ABHD12: variants seen among roughly 807,000 people sequenced by gnomAD.
The protein encoded by ABHD12 is abhydrolase domain containing 12, lysophospholipase.
ABHD12 carries 43 observed loss-of-function variants against 58.3 expected under a neutral mutation model. The ratio of observed to expected loss-of-function variants is 0.74; its 90% CI spans 0.58 to 0.95. The LOEUF is 0.95. ABHD12 is among the 40% of genes least tolerant of loss of function. The probability of loss-of-function intolerance (pLI) is 0.00; values close to 1 mark genes in which losing one functional copy is unlikely to be tolerated. For synonymous variants in ABHD12, 219 were observed against 211.2 expected, an observed-to-expected ratio of 1.04 and a Z score of -0.32; for missense variants, 539 against 537.2, an observed-to-expected ratio of 1.00 and a Z score of -0.03.
intron 1 of ABHD12, among the ~76,000 whole-genome samples, chr20:25,364,812 T>C (rs2089797723): frequency 6.6e-6 from 1 of 152,218 alleles, no homozygotes; most frequent in Non-Finnish European, 1.5e-5. Context: ...AGAGTAACTC[T>C]GGGCAAACAC....
downstream of ABHD12, among the ~76,000 whole-genome samples, chr20:25,298,635 A>G (rs2088588138): frequency 6.6e-6 from 1 of 152,200 alleles, no homozygotes; most frequent in African/African-American, 2.4e-5. Context: ...TAAGAAACAC[A>G]CACACCTTTC....
At chr20:25,366,731 C>A (rs931841087) in intron 1 of ABHD12, among the ~76,000 whole-genome samples, 39 of 152,154 alleles carry the variant, frequency 2.6e-4, no homozygotes, top group African/African-American at 9.2e-4. Flanking sequence ...CAAATGGCTA[C>A]CCAATTGTCC....
intron 1 of ABHD12, chr20:25,368,661 A>G (rs910633796): frequency 2.2e-6 from 3 of 1,364,704 alleles, no homozygotes; most frequent in Non-Finnish European, 2.1e-6. Context: ...TCAGAGCATG[A>G]AAGTTTTCTG....
Position 25,308,605 on chromosome 20 carries a change from G to C in ABHD12, c.750-111C>G, listed in dbSNP as rs559886556. On this transcript the variant is annotated intron_variant, in intron 7 of 12. Transcript: ENST00000339157. The stretch of plus-strand genomic sequence containing the variant: ...AGCCATGGGGTCTGTGAAGCTACTG[G>C]AGTTTCAGGACAGAGTGGGGGAAAT... 1.9e-4 allele frequency: 254 copies of C among 1,323,296 alleles called. 1 individual carries two copies. In the South Asian group the frequency reaches 3.1e-3, roughly 16 times the overall value. 82.0% of individuals were successfully genotyped at this position (1,323,296 alleles called of 1,614,324 possible).
At chr20:25,388,840 G>A (rs536432793) in intron 1 of ABHD12, among the ~76,000 whole-genome samples, 26 of 145,194 alleles carry the variant, frequency 1.8e-4, no homozygotes, top group Non-Finnish European at 3.4e-4. Context: ...CCAGGCTGGA[G>A]TGCACTGGTG....
rs73331824 is a variant in ABHD12, at chr20:25,384,396, C to T, written c.191+6117G>A. Among the ~76,000 whole-genome samples, 978 of 149,306 alleles carry T rather than the reference C, an allele frequency of 6.6e-3. 16 individuals carry two copies. The highest frequency in any genetic ancestry group is 0.023 in the African/African-American group (937 of 40,758). On this transcript the variant is annotated intron_variant, in intron 1 of 12. Coordinates refer to ENST00000339157, the MANE Select transcript of ABHD12 (RefSeq NM_001042472.3). ...TACTTACCAATGTTAAAAAAGTTGG[C>T]AATACTACACACACACACACAAGCA...
chr20:25,380,499 T>A (rs2090010013), intron 1 of ABHD12, among the ~76,000 whole-genome samples: 1 of 152,088 alleles, frequency 6.6e-6, no homozygotes, highest in South Asian at 2.1e-4. Flanking sequence ...TCTTTCCCCC[T>A]TTACTGCACA....
chr20:25,376,036 T>A (rs952034730), intron 1 of ABHD12, among the ~76,000 whole-genome samples: 1 of 151,982 alleles, frequency 6.6e-6, no homozygotes, highest in East Asian at 1.9e-4. Flanking sequence ...GGCAGGAGAA[T>A]GGCATGAGCT....
intron 2 of ABHD12, among the ~76,000 whole-genome samples, chr20:25,336,239 T>C (rs2089366087): frequency 6.6e-6 from 1 of 152,048 alleles, no homozygotes; most frequent in Non-Finnish European, 1.5e-5. Context: ...CAGTAGGAAA[T>C]AAACTACGGT....
chr20:25,303,379 AG>A lies in ABHD12; in HGVS notation c.1029+170del. ...CCCATGTCCTTCCGAAGCAGCCTGG[AG>A]GTGACGCAGGGAGGATGAGGTGGCC... is the stretch of plus-strand genomic sequence containing the variant. On this transcript the variant is annotated intron_variant, in intron 11 of 12. Coordinates refer to ENST00000339157, the MANE Select transcript of ABHD12 (RefSeq NM_001042472.3). The A allele has an allele frequency of 2.6e-6, 4 of 1,512,022 alleles. No individual in the cohort carries two copies. In the South Asian group the frequency reaches 4.9e-5, roughly 18 times the overall value. The allele number at this position is 1,512,022 out of a possible 1,614,324, so 93.7% of individuals were successfully genotyped here. A position where few individuals can be genotyped will look rare whatever the true frequency, so the allele number is the denominator to read the frequency against.
chr20:25,368,375 G>A (rs930829453), intron 1 of ABHD12: 19 of 1,578,446 alleles, frequency 1.2e-5, no homozygotes, highest in African/African-American at 9.4e-5. Flanking sequence ...GCCTTCTTTC[G>A]CCTTGCCACA....
At chr20:25,388,643 G>A (rs2090126618) in intron 1 of ABHD12, among the ~76,000 whole-genome samples, 1 of 152,110 alleles carries the variant, frequency 6.6e-6, no homozygotes, top group South Asian at 2.1e-4. Context: ...CTTATCCAAA[G>A]GATATGGACA....
Position 25,390,523 on chromosome 20 carries a change from C to A in ABHD12, c.181G>T (p.Ala61Ser). ...RCAADAGMKRALGRRKGVWLR... is the reference protein window; with the variant it reads ...RCAADAGMKRSLGRRKGVWLR... Reference sequence around the variant, plus strand: ...CGCGCGAAGCCTCACCTGCCCAGCGCCCGCTTCATTCCCGCGTCGGCTGCG... The same window carrying A: ...CGCGCGAAGCCTCACCTGCCCAGCGACCGCTTCATTCCCGCGTCGGCTGCG... Residue 61 changes from alanine (A) to serine (S), a missense_variant, in exon 1 of 13, where the codon GCG (alanine) becomes TCG (serine). Transcript: ENST00000339157. The A allele has an allele frequency of 6.8e-7, 1 of 1,466,980 alleles. No individual in the cohort carries two copies. Among genetic ancestry groups the A allele is most frequent in the Admixed American group, 2.3e-5 (1 of 42,924 alleles). 90.9% of individuals were successfully genotyped at this position (1,466,980 alleles called of 1,614,324 possible).
intron 1 of ABHD12, chr20:25,339,676 A>G (rs776895529): frequency 3.6e-6 from 5 of 1,383,010 alleles, no homozygotes; most frequent in Non-Finnish European, 4.8e-6. Flanking sequence ...CCCACCTGAC[A>G]TCAGACCCCA....
At chr20:25,294,811 C>T in exon 13 of ABHD12, 1 of 757,404 alleles carries the variant, frequency 1.3e-6, no homozygotes, top group Non-Finnish European at 2.4e-6. Context: ...TCTAGAGTTA[C>T]AGACTTTGTA....
Position 25,302,300 on chromosome 20 carries a change from AC to A in ABHD12, c.1075del (p.Val359PhefsTer27), listed in dbSNP as rs757670984. 5.6e-6 allele frequency: 9 copies of A among 1,613,686 alleles called. No homozygotes were observed. Among genetic ancestry groups the A allele is most frequent in the Non-Finnish European group, 7.6e-6 (9 of 1,179,982 alleles). ...GTCTGAATGAAAGGGCACAAACTGA[AC>A]TTTGAAATCTCGGAAGCTTCGAGCT... ...APARSFRDFK[V>X]QFVPFHSDLG... On this transcript the variant is annotated frameshift_variant, in exon 12 of 13. Transcript: ENST00000339157. LOFTEE classifies it high-confidence loss of function.
chr20:25,359,422 T>C (rs1433430003), intron 1 of ABHD12, among the ~76,000 whole-genome samples: 1 of 30,258 alleles, frequency 3.3e-5, no homozygotes, highest in Non-Finnish European at 5.5e-5. Flanking sequence ...AGACTCCGTC[T>C]CAAAAAAAAA....
chr20:25,296,383 G>C (rs543004571), downstream of ABHD12: 1 of 1,614,034 alleles, frequency 6.2e-7, no homozygotes, highest in African/African-American at 1.3e-5. Context: ...CCCAAGGAGT[G>C]GACCAAGAAG....
intron 1 of ABHD12, among the ~76,000 whole-genome samples, chr20:25,363,688 G>A (rs1012719636): frequency 6.6e-6 from 1 of 151,702 alleles, no homozygotes; most frequent in African/African-American, 2.4e-5. Flanking sequence ...CCAACATGGT[G>A]AAACCCCATC....
Sources: allele counts gnomAD v4.1 joint callset (sites outside exome capture counted in the v4.1 genomes callset), GRCh38; gene constraint gnomAD v4.1.1; transcripts MANE v1.5; gene names NCBI Gene and HGNC (gene_info 2026-07-23, HGNC 2026-07-21).